The following TRPM5 variants were observed in gnomAD, a reference collection of about 807,000 sequenced individuals.
TRPM5 encodes the protein MLSN1 and TRP-related.
In TRPM5, 121 loss-of-function variants were observed where a neutral mutation model predicts 124.9. The ratio of observed to expected loss-of-function variants is 0.97; its 90% CI spans 0.84 to 1.13. The LOEUF is 1.13. TRPM5 is among the 50% of genes most tolerant of loss of function. TRPM5 has a pLI of 0.00. For missense variants in TRPM5, 1,643 were observed against 1,589.1 expected (o/e 1.03, Z -0.58); for synonymous variants, 781 against 700.5 (o/e 1.11, Z -1.81).
chr11:2,432,200 G>A, the TRPM5 span, among the ~76,000 whole-genome samples: 147 of 152,326 alleles, frequency 9.7e-4, no homozygotes, highest in African/African-American at 3.2e-3. Context: ...GCGTCCATGC[G>A]TGCTGTCATG....
At chr11:2,407,038 A>G (rs1589865279) in intron 20 of TRPM5, 81 bp downstream of exon 25, 1 of 1,439,862 alleles carries the variant, frequency 6.9e-7, no homozygotes, top group Non-Finnish European at 9.1e-7. Flanking sequence ...GTCTCTCCAG[A>G]CCTGCCTCCA....
exon 16 of TRPM5, chr11:2,412,188 C>G: frequency 6.2e-7 from 1 of 1,613,620 alleles, no homozygotes; most frequent in Non-Finnish European, 8.5e-7. Flanking sequence ...CACACTTGTT[C>G]CAGTTGTCCC....
intron 8 of TRPM5, 72 bp downstream of exon 13, chr11:2,415,834 G>T: frequency 8.8e-7 from 1 of 1,136,802 alleles, no homozygotes; most frequent in Non-Finnish European, 1.3e-6. Context: ...CCCACAGGGT[G>T]CAGGAGCAGG....
chr11:2,415,801 G>A (rs2133522203), intron 8 of TRPM5, 105 bp downstream of exon 13: 4 of 856,956 alleles, frequency 4.7e-6, no homozygotes, highest in Middle Eastern at 5.5e-4. Flanking sequence ...GGACAGCTGG[G>A]CAGAACGGGC....
exon 20 of TRPM5, chr11:2,407,160 C>G (rs115395156): frequency 6.2e-7 from 1 of 1,610,068 alleles, no homozygotes. Flanking sequence ...CTTGAAGACC[C>G]GGCGGAGCGT....
intron 7 of TRPM5, 106 bp downstream of exon 12, chr11:2,417,621 A>T: frequency 1.2e-6 from 1 of 804,258 alleles, no homozygotes; most frequent in Non-Finnish European, 2.0e-6. Context: ...GGGAAGGGGC[A>T]GGCGGCCGAG....
the TRPM5 span, among the ~76,000 whole-genome samples, chr11:2,437,613 C>T: frequency 6.6e-6 from 1 of 152,194 alleles, no homozygotes. This position sits in a 1 kb window ranked among gnomAD's most constrained non-coding sequence, Gnocchi z 5.6. Context: ...TGCTGTGGTG[C>T]CCAAACTTGG....
intron 23 of TRPM5, 46 bp downstream of exon 28, chr11:2,405,481 G>A: frequency 1.3e-6 from 2 of 1,533,842 alleles, no homozygotes; most frequent in Non-Finnish European, 1.8e-6. Flanking sequence ...GCTGCAGAGT[G>A]GGTGCCCATG....
intron 4 of TRPM5, 81 bp from the exon 10 acceptor site, chr11:2,418,672 T>C: frequency 7.0e-7 from 1 of 1,425,830 alleles, no homozygotes; most frequent in Non-Finnish European, 9.6e-7. Context: ...GGCCACCACA[T>C]TTTCTGGCCA....
At chr11:2,414,985 G>C (rs144977335) in exon 10 of TRPM5, 66 of 1,606,662 alleles carry the variant, frequency 4.1e-5, no homozygotes, top group Non-Finnish European at 4.9e-5. Flanking sequence ...AGGGGTTCTC[G>C]CTCTTCTGGT....
At chr11:2,413,724 G>A in intron 12 of TRPM5, 136 bp from the exon 18 acceptor site, 1 of 847,466 alleles carries the variant, frequency 1.2e-6, no homozygotes, top group South Asian at 1.5e-5. Context: ...CCCTCCCGGA[G>A]CCCCCGTCCT....
exon 9 of TRPM5, chr11:2,415,284 G>T (rs1483524851): frequency 6.3e-7 from 1 of 1,576,126 alleles, no homozygotes. Context: ...CGTCAGCCGG[G>T]CCTCCTCCTG....
upstream of TRPM5, chr11:2,423,113 G>A: frequency 8.0e-7 from 1 of 1,249,866 alleles, no homozygotes; most frequent in Non-Finnish European, 1.1e-6. Flanking sequence ...TCCCCTCAGG[G>A]GGCTGGCTCT....
intron 18 of TRPM5, chr11:2,410,833 A>C: frequency 2.7e-6 from 1 of 374,210 alleles, no homozygotes; most frequent in South Asian, 2.0e-5. Flanking sequence ...CAAATGGCGA[A>C]GGGGCCTTGC....
intron 20 of TRPM5, 119 bp downstream of exon 25, chr11:2,407,000 G>A: frequency 7.4e-7 from 1 of 1,346,644 alleles, no homozygotes; most frequent in South Asian, 1.5e-5. Context: ...GCCCAGCTGA[G>A]GACCCACAGG....
chr11:2,412,754 C>T (rs961399250), exon 15 of TRPM5: 9 of 1,591,924 alleles, frequency 5.7e-6, no homozygotes, highest in Non-Finnish European at 7.7e-6. Context: ...GGCCACCGAC[C>T]TGCCGGATTT....
At chr11:2,425,787 G>A (rs1016954046), upstream of TRPM5, among the ~76,000 whole-genome samples, 1 of 152,192 alleles carries the variant, frequency 6.6e-6, no homozygotes, top group Non-Finnish European at 1.5e-5. Context: ...GGTGTAGGGG[G>A]CTTGGGGTTT....
Position 2,405,524 on chromosome 11 carries a change from T to C in TRPM5, c.3391+3A>G, listed in dbSNP as rs758626601. The C allele has an allele frequency of 1.9e-6, 3 of 1,557,122 alleles. No individual in the cohort carries two copies. The South Asian group carries it at 3.6e-5, about 18-fold the overall frequency. On this transcript the variant is annotated splice_donor_region_variant and intron_variant, in intron 23 of 23. Transcript: ENST00000155858. ...TCATCCCACGCTCCCCAAACAGGCT[T>C]ACTCCGGGGGCCGCCACCCTGGGCC... is the stretch of plus-strand genomic sequence containing the variant.
At chr11:2,423,627 G>A (rs1233138861), upstream of TRPM5, among the ~76,000 whole-genome samples, 1 of 152,144 alleles carries the variant, frequency 6.6e-6, no homozygotes, top group Non-Finnish European at 1.5e-5. Flanking sequence ...GAGAGAGGAG[G>A]CCTTGCCCCG....
Sources: gnomAD v4.1 joint callset for allele counts (sites outside exome capture counted in the v4.1 genomes callset) on GRCh38, gnomAD v4.1.1 for gene constraint, Gnocchi (gnomAD v3.1) non-coding constraint, MANE v1.5 for transcripts, NCBI Gene and HGNC (gene_info 2026-07-23, HGNC 2026-07-21) for gene names.